Variants in TMPRSS4 observed in about 807,000 individuals in gnomAD.
The protein encoded by TMPRSS4 is transmembrane protease serine 4.
In TMPRSS4, 45 loss-of-function variants were observed where a neutral mutation model predicts 56.4. The observed-to-expected ratio is 0.80, with a 90% CI of 0.63 to 1.02. TMPRSS4 has a LOEUF of 1.02. Among genes scored for constraint, TMPRSS4 ranks in the 50% least tolerant of loss-of-function variants. The pLI is 0.00. For missense variants in TMPRSS4, 546 were observed against 556.7 expected (o/e 0.98, Z 0.19); for synonymous variants, 205 against 211.0 (o/e 0.97, Z 0.25).
In TMPRSS4 at chr11:118,097,357, C is replaced by T. The variant is rs115258213; in HGVS notation, c.44-1628C>T. 6.7e-3 allele frequency among the ~76,000 whole-genome samples: 1,014 copies of T among 152,184 alleles called. 12 individuals are homozygous for T. Among genetic ancestry groups the T allele is most frequent in the African/African-American group, 0.022 (912 of 41,532 alleles). On this transcript the variant is annotated intron_variant, in intron 2 of 12. Coordinates refer to ENST00000437212, the MANE Select transcript of TMPRSS4 (RefSeq NM_019894.4). ...GAGGATAGGAAAGGTTGGAAGGCTG[C>T]ATTTTAAATAGGGAGATCCAGGAAG...
chr11:118,096,899 G>GAAAT, intron 2 of TMPRSS4, among the ~76,000 whole-genome samples: 3 of 49,998 alleles, frequency 6.0e-5, no homozygotes, highest in Non-Finnish European at 1.3e-4. Context: ...AAGAAAGAAA[G>GAAAT]AAAGAAAGAA....
chr11:118,100,525 CCATTTCCATCTCGTGGCG>C (rs1271291004), intron 3 of TMPRSS4, among the ~76,000 whole-genome samples: 1 of 152,162 alleles, frequency 6.6e-6, no homozygotes, highest in Admixed American at 6.5e-5. Context: ...TTGAACAGGT[CCATTTCCATCTCGTGGCG>C]GTGGAAATGC....
intron 6 of TMPRSS4, 108 bp from the exon 7 acceptor site, chr11:118,108,748 C>A (rs1436012292): frequency 2.8e-6 from 3 of 1,054,146 alleles, no homozygotes; most frequent in East Asian, 2.4e-5. Context: ...CTTCCACATT[C>A]CCGAGGTATT....
At chr11:118,095,953 T>C (rs1946264066) in intron 2 of TMPRSS4, among the ~76,000 whole-genome samples, 1 of 152,166 alleles carries the variant, frequency 6.6e-6, no homozygotes, top group Non-Finnish European at 1.5e-5. Context: ...AAACTAGGTA[T>C]GAAAGCTCGT....
chr11:118,113,901 G>A (rs751481284), intron 9 of TMPRSS4, among the ~76,000 whole-genome samples: 9 of 152,180 alleles, frequency 5.9e-5, no homozygotes, highest in Non-Finnish European at 1.0e-4. Context: ...GATGCCTTGT[G>A]CTTATACTGA....
chr11:118,118,851 C>T lies in TMPRSS4; in HGVS notation c.*938C>T. ...CCTAACTTTTTCCGCCTGGAGAGCC[C>T]TCAGTGTGGCTTCTTACATTTAAAA... On this transcript the variant is annotated 3_prime_UTR_variant, in exon 13 of 13. Coordinates refer to ENST00000437212, the MANE Select transcript of TMPRSS4 (RefSeq NM_019894.4). The T allele has an allele frequency of 2.0e-6, 2 of 985,410 alleles. No homozygotes were observed. The highest frequency in any genetic ancestry group is 4.7e-5 in the South Asian group (1 of 21,286). The allele number at this position is 985,410 out of a possible 1,614,324, so 61.0% of individuals were successfully genotyped here.
intron 1 of TMPRSS4, among the ~76,000 whole-genome samples, chr11:118,079,809 T>A (rs1037821238): frequency 6.6e-6 from 1 of 151,934 alleles, no homozygotes; most frequent in Non-Finnish European, 1.5e-5. Context: ...CACTGCAGGG[T>A]CCACCCTGAC....
At chr11:118,099,692 A>G (rs935811473) in intron 3 of TMPRSS4, among the ~76,000 whole-genome samples, 4 of 151,960 alleles carry the variant, frequency 2.6e-5, no homozygotes, top group Non-Finnish European at 5.9e-5. Flanking sequence ...CCTCCTTCCC[A>G]TCTTCTGCAG....
chr11:118,103,062 C>T (rs1047699560), intron 3 of TMPRSS4, 39 bp from the exon 4 acceptor site: 9 of 1,610,680 alleles, frequency 5.6e-6, no homozygotes, highest in Non-Finnish European at 7.6e-6. Context: ...CAAGCCTGAC[C>T]CTCAGCCCTC....
chr11:118,119,847 T>G lies in TMPRSS4; in HGVS notation c.*1934T>G, dbSNP rs1428868004. On this transcript the variant is annotated 3_prime_UTR_variant, in exon 13 of 13. Transcript: ENST00000437212. Reference sequence around the variant, plus strand: ...ATACTAGTTCCACATTTTAAAATCATGTTTAACTGTGGTCAAATGCACATA... The same window carrying G: ...ATACTAGTTCCACATTTTAAAATCAGGTTTAACTGTGGTCAAATGCACATA... 6.6e-6 allele frequency: 1 copy of G among 152,264 alleles called. No homozygotes were observed. Among genetic ancestry groups the G allele is most frequent in the East Asian group, 1.9e-4 (1 of 5,204 alleles). 9.4% of individuals were successfully genotyped at this position (152,264 alleles called of 1,614,324 possible). A position where few individuals can be genotyped will look rare whatever the true frequency, so the allele number is the denominator to read the frequency against.
At chr11:118,091,453 A>G (rs1945955731) in intron 1 of TMPRSS4, among the ~76,000 whole-genome samples, 1 of 152,060 alleles carries the variant, frequency 6.6e-6, no homozygotes, top group Non-Finnish European at 1.5e-5. Flanking sequence ...TACTCCCTGC[A>G]TAGCACCTAC....
In TMPRSS4 at chr11:118,099,049, C is replaced by T; in HGVS notation, c.108C>T (p.Ile36=). Residue 36 remains isoleucine (I), a synonymous_variant, in exon 3 of 13, where the codon ATC becomes ATT. Coordinates refer to ENST00000437212, the MANE Select transcript of TMPRSS4 (RefSeq NM_019894.4). ...METFRKVGIP[I]IIALLSLASI... ...CCTTCAGAAAGGTGGGGATCCCCAT[C>T]ATCATAGCACTACTGAGCCTGGCGA... 1 of 1,614,034 alleles carries T rather than the reference C, an allele frequency of 6.2e-7. No individual in the cohort carries two copies. The highest frequency in any genetic ancestry group is 1.1e-5 in the South Asian group (1 of 91,080).
At chr11:118,104,443 T>C (rs541101699) in intron 4 of TMPRSS4, among the ~76,000 whole-genome samples, 5 of 152,302 alleles carry the variant, frequency 3.3e-5, no homozygotes, top group South Asian at 2.1e-4. Context: ...CTATTAACCA[T>C]TGGGTCAGGG....
chr11:118,096,948 AAGG>A (rs1565423071), intron 2 of TMPRSS4, among the ~76,000 whole-genome samples: 5 of 95,762 alleles, frequency 5.2e-5, no homozygotes, highest in East Asian at 2.6e-4. Flanking sequence ...GAAAGAAAGA[AAGG>A]AAGGAAAGAA....
chr11:118,101,888 C>A (rs1271686388), intron 3 of TMPRSS4, among the ~76,000 whole-genome samples: 1 of 152,234 alleles, frequency 6.6e-6, no homozygotes, highest in Non-Finnish European at 1.5e-5. Context: ...CTGGCAGAAT[C>A]TAAAGACGGC....
At chr11:118,104,565 T>G (rs1269862585) in intron 4 of TMPRSS4, 126 bp from the exon 5 acceptor site, 2 of 1,432,260 alleles carry the variant, frequency 1.4e-6, no homozygotes, top group Non-Finnish European at 1.9e-6. Context: ...ACATTGAAAG[T>G]GTTGGGGCTC....
At chr11:118,108,666 A>G in intron 6 of TMPRSS4, 190 bp from the exon 7 acceptor site, 6 of 613,832 alleles carry the variant, frequency 9.8e-6, no homozygotes, top group Non-Finnish European at 1.7e-5. Flanking sequence ...GTTGAATCCA[A>G]TCAAACGGAA....
At chr11:118,110,888 A>G (rs1202235447) in intron 7 of TMPRSS4, among the ~76,000 whole-genome samples, 4 of 152,348 alleles carry the variant, frequency 2.6e-5, no homozygotes, top group Admixed American at 2.0e-4. Context: ...GATCAAAAAC[A>G]GAATTACTTT....
chr11:118,107,715 C>G (rs978702790), intron 5 of TMPRSS4, 59 bp from the exon 6 acceptor site: 1 of 1,461,754 alleles, frequency 6.8e-7, no homozygotes, highest in African/African-American at 1.4e-5. Context: ...CCAACTCTAC[C>G]ATCTTGTTCT....
Sources: gnomAD v4.1 joint callset for allele counts (sites outside exome capture counted in the v4.1 genomes callset) on GRCh38, gnomAD v4.1.1 for gene constraint, MANE v1.5 for transcripts, NCBI Gene and HGNC (gene_info 2026-07-23, HGNC 2026-07-21) for gene names.